CALD1: variants seen among roughly 807,000 people sequenced by gnomAD.
CALD1 encodes the protein caldesmon 1.
A neutral mutation model predicts 99.9 loss-of-function variants in CALD1; 33 were observed. The observed-to-expected ratio is 0.33, with a 90% CI of 0.25 to 0.44. The LOEUF is 0.44. Ranked by LOEUF, CALD1 falls within the 20% of genes least tolerant of loss-of-function variation. The pLI is 1.00. For synonymous variants in CALD1, 310 were observed against 325.0 expected, an observed-to-expected ratio of 0.95 and a Z score of 0.50; for missense variants, 861 against 962.1, an observed-to-expected ratio of 0.89 and a Z score of 1.39.
intron 1 of CALD1, chr7:134,745,670 C>T (rs1256065312): frequency 6.6e-6 from 1 of 152,212 alleles, no homozygotes; most frequent in Non-Finnish European, 1.5e-5. Flanking sequence ...GACCTATCCT[C>T]TCTGATAAAT....
At chr7:134,719,818 T>C in the CALD1 span, among the ~76,000 whole-genome samples, 6 of 152,196 alleles carry the variant, frequency 3.9e-5, no homozygotes, top group Non-Finnish European at 4.4e-5. Flanking sequence ...TTTTGAGAGT[T>C]ACCTGTTCAA....
chr7:134,763,655 C>T (rs561018219), intron 1 of CALD1, among the ~76,000 whole-genome samples: 11 of 152,266 alleles, frequency 7.2e-5, no homozygotes, highest in African/African-American at 2.6e-4. Context: ...CGCAATGGCT[C>T]ACGTCTGTAA....
intron 3 of CALD1, among the ~76,000 whole-genome samples, chr7:134,882,340 C>T (rs751894533): frequency 6.6e-6 from 1 of 152,150 alleles, no homozygotes; most frequent in Non-Finnish European, 1.5e-5. Flanking sequence ...AGATTTATCT[C>T]ATGTATTTTT....
At chr7:134,946,100 G>T (rs1281775188) in intron 7 of CALD1, among the ~76,000 whole-genome samples, 1 of 152,016 alleles carries the variant, frequency 6.6e-6, no homozygotes, top group African/African-American at 2.4e-5. Flanking sequence ...CAAGACTTTT[G>T]AACTCATTCA....
chr7:134,853,156 A>G (rs1393887264), intron 2 of CALD1, among the ~76,000 whole-genome samples: 3 of 152,090 alleles, frequency 2.0e-5, no homozygotes, highest in Admixed American at 6.5e-5. Context: ...ACAGTTTCTG[A>G]TGGATCATTA....
chr7:134,739,570 C>T (rs533052868), upstream of CALD1, among the ~76,000 whole-genome samples: 6 of 152,302 alleles, frequency 3.9e-5, no homozygotes, highest in Admixed American at 3.9e-4. Flanking sequence ...ATGTGCACTA[C>T]TCCCAGGCCT....
intron 11 of CALD1, among the ~76,000 whole-genome samples, chr7:134,959,366 T>C (rs1469850523): frequency 6.6e-6 from 1 of 151,924 alleles, no homozygotes; most frequent in African/African-American, 2.4e-5. Context: ...CTTCATACAG[T>C]AGGCATTTAA....
In CALD1 at chr7:134,910,023, T is replaced by G. The variant is rs139180781; in HGVS notation, c.72-18731T>G. 2.6e-5 allele frequency among the ~76,000 whole-genome samples: 4 copies of G among 152,260 alleles called. No homozygotes were observed. The East Asian group carries it at 7.7e-4, about 29-fold the overall frequency. ...TAGAAAGCACAAGCCCATAACACAA[T>G]GTCATTTTGGAGTTAGGGCTACTAA... On this transcript the variant is annotated intron_variant, in intron 3 of 14. Transcript: ENST00000361675.
the CALD1 span, among the ~76,000 whole-genome samples, chr7:134,712,351 C>G: frequency 6.6e-6 from 1 of 152,170 alleles, no homozygotes; most frequent in Admixed American, 6.5e-5. Flanking sequence ...TCATAATGCC[C>G]TGCTTTGATT....
chr7:134,737,194 A>C, the CALD1 span, among the ~76,000 whole-genome samples: 1 of 152,170 alleles, frequency 6.6e-6, no homozygotes, highest in South Asian at 2.1e-4. Context: ...GCACTATCAC[A>C]GTTCATTGCA....
At chr7:134,800,620 G>T (rs1797908419) in intron 1 of CALD1, among the ~76,000 whole-genome samples, 2 of 151,744 alleles carry the variant, frequency 1.3e-5, no homozygotes, top group South Asian at 2.1e-4. Flanking sequence ...CTTAAAGTGG[G>T]TCTCATTAAT....
At chr7:134,893,116 C>T (rs924419649) in intron 3 of CALD1, among the ~76,000 whole-genome samples, 34 of 152,124 alleles carry the variant, frequency 2.2e-4, no homozygotes, top group African/African-American at 8.2e-4. Flanking sequence ...CTTGTTTCCA[C>T]TCCTTCATGC....
intron 1 of CALD1, among the ~76,000 whole-genome samples, chr7:134,839,636 T>A (rs1373608028): frequency 6.6e-6 from 1 of 152,212 alleles, no homozygotes; most frequent in Admixed American, 6.6e-5. Context: ...CAATTTGAAT[T>A]TTTCTAATGA....
chr7:134,942,890 T>C (rs985046127), intron 7 of CALD1, among the ~76,000 whole-genome samples: 1 of 152,158 alleles, frequency 6.6e-6, no homozygotes, highest in African/African-American at 2.4e-5. Flanking sequence ...ATGCCTATTG[T>C]GTAGAAATCC....
intron 1 of CALD1, among the ~76,000 whole-genome samples, chr7:134,771,279 C>T (rs1290590221): frequency 6.6e-6 from 1 of 152,152 alleles, no homozygotes; most frequent in African/African-American, 2.4e-5. Context: ...ATATGACACT[C>T]CCTCCCCTCT....
At chr7:134,929,931 G>T (rs781066501) in intron 4 of CALD1, among the ~76,000 whole-genome samples, 215 of 151,730 alleles carry the variant, frequency 1.4e-3, no homozygotes, top group Admixed American at 3.3e-3. Flanking sequence ...TTATTCTGTA[G>T]GGTGTTGCTA....
chr7:134,901,296 T>C (rs1802978492), intron 3 of CALD1, among the ~76,000 whole-genome samples: 1 of 152,060 alleles, frequency 6.6e-6, no homozygotes, highest in African/African-American at 2.4e-5. Context: ...CTCATCATTT[T>C]ATCAACTATG....
At chr7:134,928,635 C>T (rs1482660631) in intron 3 of CALD1, 119 bp from the exon 4 acceptor site, 1 of 851,122 alleles carries the variant, frequency 1.2e-6, no homozygotes, top group Non-Finnish European at 1.8e-6. Flanking sequence ...TCCTTTTAGA[C>T]GTATGTGGTT....
At chr7:134,879,854 T>C (rs1432930897) in intron 3 of CALD1, among the ~76,000 whole-genome samples, 1 of 152,204 alleles carries the variant, frequency 6.6e-6, no homozygotes, top group Non-Finnish European at 1.5e-5. Context: ...TGTGAGGGCT[T>C]ATTTTCCATT....
Sources: gnomAD v4.1 joint callset for allele counts (sites outside exome capture counted in the v4.1 genomes callset) on GRCh38, gnomAD v4.1.1 for gene constraint, MANE v1.5 for transcripts, NCBI Gene and HGNC (gene_info 2026-07-23, HGNC 2026-07-21) for gene names.